The following MRTFB variants were observed in gnomAD, a reference collection of about 807,000 sequenced individuals.
The protein encoded by MRTFB is myocardin related transcription factor B.
In MRTFB, 29 loss-of-function variants were observed where a neutral mutation model predicts 104.2. The observed-to-expected ratio is 0.28, with a 90% CI of 0.21 to 0.38. MRTFB has a LOEUF of 0.38. Among genes scored for constraint, MRTFB ranks in the 10% least tolerant of loss-of-function variants. The probability of loss-of-function intolerance (pLI) is 1.00; values close to 1 mark genes in which losing one functional copy is unlikely to be tolerated. For synonymous variants in MRTFB, 535 were observed against 519.5 expected, an observed-to-expected ratio of 1.03 and a Z score of -0.41; for missense variants, 1,270 against 1,341.6, an observed-to-expected ratio of 0.95 and a Z score of 0.83.
intron 2 of MRTFB, among the ~76,000 whole-genome samples, chr16:14,087,379 T>C (rs544955991): frequency 6.6e-6 from 1 of 152,268 alleles, no homozygotes; most frequent in African/African-American, 2.4e-5. Context: ...CTGGGCACTT[T>C]GTTTAGTGTT....
intron 3 of MRTFB, chr16:14,141,835 A>T (rs1016384518): frequency 3.4e-5 from 5 of 148,812 alleles, no homozygotes; most frequent in Non-Finnish European, 1.5e-5. Context: ...GACCATTTTG[A>T]TAGGTGTTTT....
the MRTFB span, among the ~76,000 whole-genome samples, chr16:14,054,763 G>A: frequency 1.2e-4 from 18 of 152,016 alleles, no homozygotes; most frequent in African/African-American, 2.7e-4. Flanking sequence ...ATTATTGAAC[G>A]AAGCTCCCCC....
At chr16:14,192,732 T>C (rs1233273988) in intron 3 of MRTFB, among the ~76,000 whole-genome samples, 1 of 152,220 alleles carries the variant, frequency 6.6e-6, no homozygotes, top group Non-Finnish European at 1.5e-5. Context: ...GACTGGGGGC[T>C]GGGCCTCTCT....
chr16:14,213,584 G>T lies in MRTFB; in HGVS notation c.316G>T (p.Asp106Tyr). 6.2e-7 allele frequency: 1 copy of T among 1,606,210 alleles called. No individual in the cohort carries two copies. Residue 106 changes from aspartate (D) to tyrosine (Y), a missense_variant, in exon 6 of 17, where the codon GAT becomes TAT. Asp to Tyr is a radical substitution (Grantham distance 160). Transcript: ENST00000571589. ...GAAACACAAGATTCGGAGTCGACCA[G>T]ATCGTTCTGAACTTGTCAGGATGCA... ...FLKHKIRSRP[D>Y]RSELVRMHIL...
rs73513180 is a variant in MRTFB at position 14,094,681 on chromosome 16, A to G, written c.-64+15327A>G. ...CAGAAATTCTAAGAGAGTGGGAATT[A>G]TGTGGTTTGTAAATTTCTTTAATTA... is the stretch of plus-strand genomic sequence containing the variant. On this transcript the variant is annotated intron_variant, in intron 2 of 16. Transcript: ENST00000571589. 3.4e-3 allele frequency among the ~76,000 whole-genome samples: 523 copies of G among 152,328 alleles called. 1 individual carries two copies. Among genetic ancestry groups the G allele is most frequent in the African/African-American group, 0.012 (501 of 41,576 alleles).
Position 14,240,384 on chromosome 16 carries a change from G to A in MRTFB, c.979G>A (p.Ala327Thr), listed in dbSNP as rs781006051. 17 of 1,614,038 alleles carry A rather than the reference G, an allele frequency of 1.1e-5. 1 individual carries two copies. The highest frequency in any genetic ancestry group is 3.3e-4 in the Middle Eastern group (2 of 6,058). ...KNEPQMDSNY[A>T]RLLQQQQLFL... ...TGAGCCGCAGATGGACTCTAACTAC[G>A]CCCGCCTGCTCCAGCAGCAGCAGCT... Residue 327 changes from alanine to threonine, a missense_variant, in exon 10 of 17, where the codon GCC becomes ACC. By Grantham distance (58) the Ala-to-Thr change is moderately conservative. This residue lies in a region of MRTFB where 1,144 missense variants were observed against 1,131.5 expected (regional missense o/e 1.01). Transcript: ENST00000571589.
intron 8 of MRTFB, among the ~76,000 whole-genome samples, chr16:14,222,661 A>T (rs1178858205): frequency 6.6e-6 from 1 of 151,468 alleles, no homozygotes; most frequent in Non-Finnish European, 1.5e-5. Flanking sequence ...CCAAAGTGAG[A>T]GGATCACTTG....
chr16:14,106,199 A>G (rs1411526687), intron 2 of MRTFB, among the ~76,000 whole-genome samples: 1 of 152,182 alleles, frequency 6.6e-6, no homozygotes, highest in Admixed American at 6.5e-5. Flanking sequence ...AAACAGACAC[A>G]TGGACTAGAG....
chr16:14,245,359 G>T (rs901124981), intron 10 of MRTFB, among the ~76,000 whole-genome samples, 169 bp from the exon 11 acceptor site: 5 of 152,132 alleles, frequency 3.3e-5, no homozygotes, highest in African/African-American at 7.2e-5. Context: ...AACAAAACCT[G>T]CAGGGATTTC....
intron 10 of MRTFB, chr16:14,240,801 T>TA (rs1256360367): frequency 9.4e-6 from 7 of 743,578 alleles, no homozygotes; most frequent in Non-Finnish European, 1.7e-5. Flanking sequence ...GCGTAAGTAG[T>TA]ATAATACCTG....
At chr16:14,087,263 A>G (rs2034769545) in intron 2 of MRTFB, among the ~76,000 whole-genome samples, 1 of 152,116 alleles carries the variant, frequency 6.6e-6, no homozygotes, top group South Asian at 2.1e-4. Context: ...TTTGGGCCAT[A>G]AGTTCCATGA....
At chr16:14,198,922 A>C (rs1291962589) in intron 3 of MRTFB, among the ~76,000 whole-genome samples, 2 of 152,044 alleles carry the variant, frequency 1.3e-5, no homozygotes, top group East Asian at 3.9e-4. Context: ...ATTTGTATTC[A>C]TTCTTATTTC....
intron 3 of MRTFB, chr16:14,186,924 A>T (rs753637854): frequency 4.4e-6 from 7 of 1,598,210 alleles, no homozygotes; most frequent in Non-Finnish European, 5.9e-6. Context: ...CATGATCGAT[A>T]GCTCCAAGAA....
intron 8 of MRTFB, among the ~76,000 whole-genome samples, chr16:14,230,707 T>G (rs1243161468): frequency 3.3e-5 from 5 of 152,236 alleles, no homozygotes; most frequent in Admixed American, 3.3e-4. Context: ...AGTTCAACCC[T>G]TGTGGAAGTC....
intron 3 of MRTFB, among the ~76,000 whole-genome samples, chr16:14,157,209 T>C (rs529364171): frequency 6.6e-6 from 1 of 152,280 alleles, no homozygotes; most frequent in South Asian, 2.1e-4. Context: ...ATTGGGAGGA[T>C]TCTACTTAGA....
At chr16:14,057,277 T>A in the MRTFB span, among the ~76,000 whole-genome samples, 1 of 151,910 alleles carries the variant, frequency 6.6e-6, no homozygotes, top group Admixed American at 6.6e-5. Context: ...AAAAAAAAAA[T>A]TGTGTGTGTG....
At chr16:13,999,312 T>A in the MRTFB span, among the ~76,000 whole-genome samples, 1 of 152,060 alleles carries the variant, frequency 6.6e-6, no homozygotes, top group Non-Finnish European at 1.5e-5. Context: ...AGCATATTTC[T>A]TTCCTTTTGG....
the MRTFB span, among the ~76,000 whole-genome samples, chr16:14,011,044 CGTTAGTAGGCTGGGTGCCA>C: frequency 6.6e-6 from 1 of 152,154 alleles, no homozygotes. Flanking sequence ...CTGGCCTGGG[CGTTAGTAGGCTGGGTGCCA>C]GTTCTGGCTC....
intron 2 of MRTFB, among the ~76,000 whole-genome samples, chr16:14,109,679 C>G (rs752423969): frequency 4.6e-5 from 7 of 152,190 alleles, no homozygotes; most frequent in Non-Finnish European, 1.0e-4. Context: ...GTAATTGTCC[C>G]TGGTTACCAT....
Sources: gnomAD v4.1 joint callset for allele counts (sites outside exome capture counted in the v4.1 genomes callset) on GRCh38, gnomAD v4.1.1 for gene constraint, gnomAD v4.1.1 regional missense constraint, MANE v1.5 for transcripts, NCBI Gene and HGNC (gene_info 2026-07-23, HGNC 2026-07-21) for gene names.